GSTM2: variants seen among roughly 807,000 people sequenced by gnomAD.
GSTM2 encodes GST class-mu 2.
Under a neutral mutation model 33.3 loss-of-function variants are expected in GSTM2, and 33 were observed. The ratio of observed to expected loss-of-function variants is 0.99; its 90% CI spans 0.75 to 1.33. The LOEUF is 1.33. GSTM2 is among the 40% of genes most tolerant of loss of function. The probability of loss-of-function intolerance (pLI) is 0.00; values close to 1 mark genes in which losing one functional copy is unlikely to be tolerated. For synonymous variants in GSTM2, 93 were observed against 95.6 expected, an observed-to-expected ratio of 0.97 and a Z score of 0.16; for missense variants, 213 against 265.8, an observed-to-expected ratio of 0.80 and a Z score of 1.38.
chr1:109,669,168 G>A (rs1455904083), intron 3 of GSTM2, 122 bp from the exon 4 acceptor site: 2 of 1,299,892 alleles, frequency 1.5e-6, no homozygotes, highest in Non-Finnish European at 2.2e-6. Context: ...TAGTGTGACA[G>A]TATTTCTATC....
chr1:109,674,602 C>G (rs1647652451), intron 7 of GSTM2, 145 bp from the exon 8 acceptor site: 2 of 948,514 alleles, frequency 2.1e-6, no homozygotes. Context: ...TCTGGGGACC[C>G]TAAGAAGCTG....
At position 109,668,948 on chromosome 1, in the gene GSTM2, T is replaced by C; in HGVS notation, c.136T>C (p.Trp46Arg). Residue 46 changes from tryptophan to arginine, a missense_variant, in exon 3 of 8, where the codon TGG (tryptophan) becomes CGG (arginine). By Grantham distance (101) the Trp-to-Arg change is moderately radical. Coordinates refer to ENST00000241337, the MANE Select transcript of GSTM2 (RefSeq NM_000848.4). ...GDAPDYDRSQ[W>R]LNEKFKLGLD... Reference sequence around the variant, plus strand: ...AGCTCCTGATTATGACAGAAGCCAGTGGCTGAATGAAAAATTCAAGCTGGG... The same window carrying C: ...AGCTCCTGATTATGACAGAAGCCAGCGGCTGAATGAAAAATTCAAGCTGGG... 1 of 1,612,294 alleles carries C rather than the reference T, an allele frequency of 6.2e-7. No individual in the cohort carries two copies. The highest frequency in any genetic ancestry group is 1.1e-5 in the South Asian group (1 of 90,988).
chr1:109,670,672 A>T (rs1647507552), intron 5 of GSTM2: 2 of 152,850 alleles, frequency 1.3e-5, no homozygotes, highest in African/African-American at 4.8e-5. Flanking sequence ...TGCTTTAGGA[A>T]TACACAAACT....
At chr1:109,682,264 G>T in intron 7 of GSTM2, among the ~76,000 whole-genome samples, 1 of 35,730 alleles carries the variant, frequency 2.8e-5, no homozygotes, top group Admixed American at 2.9e-4. Context: ...TTTTTGAGAC[G>T]GAGTCTCGCT....
chr1:109,669,135 G>A (rs1647436256), intron 3 of GSTM2, 146 bp downstream of exon 3: 2 of 1,264,918 alleles, frequency 1.6e-6, no homozygotes, highest in Admixed American at 3.4e-5. Flanking sequence ...CTTGCATGAT[G>A]TTCTGTGTCC....
chr1:109,675,965 A>G (rs1179712184), downstream of GSTM2, among the ~76,000 whole-genome samples: 1 of 152,256 alleles, frequency 6.6e-6, no homozygotes, highest in Admixed American at 6.5e-5. Flanking sequence ...AGGGCCTGGG[A>G]GGCCTCATAA....
rs772011820 is a variant in GSTM2, at chr1:109,671,377, G to C, written c.451G>C (p.Asp151His). Residue 151 changes from aspartate (D) to histidine (H), a missense_variant, in exon 6 of 8, where the codon GAC becomes CAC. By Grantham distance (81) the Asp-to-His change is moderately conservative (BLOSUM62 -1). Coordinates refer to ENST00000241337, the MANE Select transcript of GSTM2 (RefSeq NM_000848.4). Reference protein sequence around the residue: ...FLGKQPWFLGDKITFVDFIAY... With the variant: ...FLGKQPWFLGHKITFVDFIAY... The stretch of plus-strand genomic sequence containing the variant: ...GGGGAAGCAGCCATGGTTTCTTGGG[G>C]ACAAGGTAATGGGGGCGTGTGATGG... 6.2e-7 allele frequency: 1 copy of C among 1,612,728 alleles called. No homozygotes were observed. Among genetic ancestry groups the C allele is most frequent in the African/African-American group, 1.3e-5 (1 of 74,912 alleles).
intron 2 of GSTM2, 60 bp downstream of exon 2, chr1:109,668,560 G>T: frequency 1.3e-6 from 2 of 1,574,372 alleles, no homozygotes; most frequent in Admixed American, 1.7e-5. Flanking sequence ...CCAAGCAACC[G>T]ATAGTGGCCA....
intron 7 of GSTM2, among the ~76,000 whole-genome samples, chr1:109,672,291 AAG>A (rs1359901615): frequency 3.3e-5 from 5 of 152,324 alleles, no homozygotes; most frequent in East Asian, 1.9e-4. Context: ...AAACAAAAAA[AAG>A]AAGAAAAGAA....
In GSTM2 at chr1:109,669,589, A is replaced by G. The variant is rs769001136; in HGVS notation, c.360+18A>G. On this transcript the variant is annotated intron_variant, in intron 5 of 7. Coordinates refer to ENST00000241337, the MANE Select transcript of GSTM2 (RefSeq NM_000848.4). The stretch of plus-strand genomic sequence containing the variant: ...CAGATTTTGTAAGTCCCCCCACCCC[A>G]CTCCCAGTCTCCCCTTCCCTACTCC... The G allele has an allele frequency of 1.4e-6, 2 of 1,457,572 alleles. No homozygotes were observed. The highest frequency in any genetic ancestry group is 2.3e-5 in the East Asian group (1 of 43,180). The allele number at this position is 1,457,572 out of a possible 1,614,324, so 90.3% of individuals were successfully genotyped here. A position where few individuals can be genotyped will look rare whatever the true frequency, so the allele number is the denominator to read the frequency against.
intron 5 of GSTM2, 154 bp downstream of exon 5, chr1:109,669,725 A>G (rs1647463475): frequency 3.3e-6 from 2 of 606,946 alleles, no homozygotes; most frequent in East Asian, 5.5e-5. Context: ...TGAGTGTTAC[A>G]GTTCTTAAAG....
downstream of GSTM2, among the ~76,000 whole-genome samples, chr1:109,678,887 G>A (rs995343297): frequency 1.2e-4 from 18 of 151,888 alleles, no homozygotes; most frequent in African/African-American, 4.1e-4. Context: ...TTATGCTATG[G>A]CATGTGTAGA....
rs1036740682 is a variant in GSTM2 at position 109,669,429 on chromosome 1, C to G, written c.260-42C>G. 5.6e-6 allele frequency: 9 copies of G among 1,612,854 alleles called. No homozygotes were observed. In the African/African-American group the frequency reaches 9.3e-5, roughly 17 times the overall value. ...GACCGTGGCCTCCTCCTCGGCTTGGCTGGGCTGTGAGGCTGAGAGTGAATC... is the reference window on the plus strand; with the variant it reads ...GACCGTGGCCTCCTCCTCGGCTTGGGTGGGCTGTGAGGCTGAGAGTGAATC... On this transcript the variant is annotated intron_variant, in intron 4 of 7. Transcript: ENST00000241337.
At chr1:109,669,395 G>T in intron 4 of GSTM2, 24 bp downstream of exon 4, 2 of 1,614,120 alleles carry the variant, frequency 1.2e-6, no homozygotes, top group South Asian at 2.2e-5. Context: ...GTTGCAAGAT[G>T]CGGGGAGGGA....
chr1:109,672,389 C>T (rs754158362), intron 7 of GSTM2, among the ~76,000 whole-genome samples: 17 of 152,218 alleles, frequency 1.1e-4, no homozygotes, highest in Non-Finnish European at 1.6e-4. Flanking sequence ...AAATTTACAA[C>T]ATTCCTACAG....
In GSTM2 at chr1:109,668,776, T is replaced by C; in HGVS notation, c.113-149T>C. ...GTCCAGAGCCCTCACTGGAATTCTT[T>C]TTCTCTGAATCCTGGGATGTGGGAC... On this transcript the variant is annotated intron_variant, in intron 2 of 7. Transcript: ENST00000241337. 2.0e-6 allele frequency: 2 copies of C among 1,019,424 alleles called. 1 individual carries two copies. Among genetic ancestry groups the C allele is most frequent in the South Asian group, 2.8e-5 (2 of 72,110 alleles). The allele number at this position is 1,019,424 out of a possible 1,614,324, so 63.1% of individuals were successfully genotyped here. A position where few individuals can be genotyped will look rare whatever the true frequency, so the allele number is the denominator to read the frequency against.
intron 7 of GSTM2, chr1:109,673,420 A>AT: frequency 1.3e-6 from 1 of 747,424 alleles, no homozygotes; most frequent in South Asian, 1.8e-5. Context: ...AGATTTGGGG[A>AT]TTTGAGGCAT....
In GSTM2 at chr1:109,674,738, C is replaced by T; in HGVS notation, c.568-9C>T. Reference sequence around the variant, plus strand: ...CCTTGAGTTCTGGCCTTATTTTCCCCCCTCTCAGGGCTTGGAGAAGATCTC... The same window carrying T: ...CCTTGAGTTCTGGCCTTATTTTCCCTCCTCTCAGGGCTTGGAGAAGATCTC... On this transcript the variant is annotated splice_polypyrimidine_tract_variant and intron_variant, in intron 7 of 7. Transcript: ENST00000241337. The T allele has an allele frequency of 6.2e-7, 1 of 1,614,190 alleles. No individual in the cohort carries two copies. Among genetic ancestry groups the T allele is most frequent in the Non-Finnish European group, 8.5e-7 (1 of 1,180,024 alleles).
At chr1:109,671,637 G>A (rs1449983341) in intron 7 of GSTM2, 54 bp downstream of exon 7, 2 of 1,017,394 alleles carry the variant, frequency 2.0e-6, no homozygotes, top group Admixed American at 1.7e-5. Flanking sequence ...TCCCTCCTTT[G>A]TGATGCTTTC....
Sources: gnomAD v4.1 joint callset for allele counts (sites outside exome capture counted in the v4.1 genomes callset) on GRCh38, gnomAD v4.1.1 for gene constraint, MANE v1.5 for transcripts, NCBI Gene and HGNC (gene_info 2026-07-23, HGNC 2026-07-21) for gene names.